PDE1C: variants seen among roughly 807,000 people sequenced by gnomAD.
PDE1C encodes phosphodiesterase 1C, also known as dual specificity calcium/calmodulin-dependent 3',5'-cyclic nucleotide phosphodiesterase 1C.
In PDE1C, 62 loss-of-function variants were observed where a neutral mutation model predicts 93.1. The observed-to-expected ratio is 0.67, with a 90% CI of 0.54 to 0.82. PDE1C has a LOEUF of 0.82. PDE1C is among the 40% of genes least tolerant of loss of function. The probability of loss-of-function intolerance (pLI) is 0.00; values close to 1 mark genes in which losing one functional copy is unlikely to be tolerated. For synonymous variants in PDE1C, 325 were observed against 310.1 expected (o/e 1.05, Z -0.50); for missense variants, 742 against 884.6 (o/e 0.84, Z 2.04).
intron 2 of PDE1C, among the ~76,000 whole-genome samples, chr7:31,917,157 T>C (rs1352018197): frequency 6.6e-6 from 1 of 152,068 alleles, no homozygotes; most frequent in Non-Finnish European, 1.5e-5. Flanking sequence ...ATGGTCCCAA[T>C]CCTGACTCCA....
intron 7 of PDE1C, among the ~76,000 whole-genome samples, chr7:31,852,427 A>G (rs1247205885): frequency 6.6e-6 from 1 of 152,230 alleles, no homozygotes; most frequent in Non-Finnish European, 1.5e-5. Flanking sequence ...TGAAAAAAAG[A>G]TGGGCAAGAT....
intron 1 of PDE1C, among the ~76,000 whole-genome samples, chr7:32,389,157 C>CGTGTGTGTGTGTGTCT (rs1554316175): frequency 1.5e-5 from 2 of 135,698 alleles, no homozygotes; most frequent in African/African-American, 5.6e-5. Flanking sequence ...TGATAGCTGA[C>CGTGTGTGTGTGTGTCT]GTGTGTGTGT....
At chr7:32,392,356 A>C (rs980105863) in intron 1 of PDE1C, among the ~76,000 whole-genome samples, 4 of 152,222 alleles carry the variant, frequency 2.6e-5, no homozygotes, top group Non-Finnish European at 5.9e-5. Context: ...AATTTTACGT[A>C]ACATTTATAG....
At chr7:32,290,700 A>G (rs943005493) in intron 1 of PDE1C, among the ~76,000 whole-genome samples, 4 of 152,094 alleles carry the variant, frequency 2.6e-5, no homozygotes, top group South Asian at 2.1e-4. Context: ...GCAGCTAGGG[A>G]CTCGCTTTGC....
chr7:32,202,708 T>C (rs1370515434), intron 2 of PDE1C, among the ~76,000 whole-genome samples: 1 of 152,132 alleles, frequency 6.6e-6, no homozygotes. Context: ...CTCTGAAACA[T>C]GGATGTGTCA....
At chr7:32,139,189 A>G (rs2128778795) in intron 3 of PDE1C, among the ~76,000 whole-genome samples, 1 of 152,020 alleles carries the variant, frequency 6.6e-6, no homozygotes, top group East Asian at 1.9e-4. Flanking sequence ...AGGCTGGGGC[A>G]CAATGGCATG....
chr7:32,340,407 G>C (rs1023615895), intron 1 of PDE1C, among the ~76,000 whole-genome samples: 4 of 152,186 alleles, frequency 2.6e-5, no homozygotes, highest in Non-Finnish European at 4.4e-5. Context: ...GCAAAGGACA[G>C]ACTCTCACTG....
At chr7:31,793,989 CAGATAGATAGATAGAT>C (rs60751029) in intron 16 of PDE1C, among the ~76,000 whole-genome samples, 5,082 of 106,026 alleles carry the variant, frequency 0.048, 196 homozygotes, top group South Asian at 0.085. Context: ...ATAGATAAAC[CAGATAGATAGATAGAT>C]AGATAGATAG....
At chr7:31,695,133 G>A in the PDE1C span, among the ~76,000 whole-genome samples, 3 of 135,126 alleles carry the variant, frequency 2.2e-5, no homozygotes, top group Non-Finnish European at 4.6e-5. Flanking sequence ...GGCGCGTTTA[G>A]CAGAGAGAAC....
chr7:31,664,907 A>G, the PDE1C span, among the ~76,000 whole-genome samples: 1 of 152,204 alleles, frequency 6.6e-6, no homozygotes, highest in Admixed American at 6.5e-5. Context: ...CAACAGCCAG[A>G]GTGGCCTTTT....
At chr7:32,323,898 C>T (rs1356719637) in intron 1 of PDE1C, among the ~76,000 whole-genome samples, 1 of 152,164 alleles carries the variant, frequency 6.6e-6, no homozygotes, top group Non-Finnish European at 1.5e-5. Flanking sequence ...CTAATACAAC[C>T]TGTCCCATCG....
the PDE1C span, among the ~76,000 whole-genome samples, chr7:31,691,589 C>G: frequency 6.6e-6 from 1 of 151,886 alleles, no homozygotes. Flanking sequence ...ACAGCTATAA[C>G]TAATAGCTCT....
intron 3 of PDE1C, among the ~76,000 whole-genome samples, chr7:32,143,657 C>A (rs1800661524): frequency 6.6e-6 from 1 of 152,158 alleles, no homozygotes; most frequent in Non-Finnish European, 1.5e-5. Flanking sequence ...CCTCTGCCCA[C>A]AGCCAAAGCT....
chr7:32,199,921 C>T lies in PDE1C; in HGVS notation c.136+9568G>A, dbSNP rs560587891. 4.6e-5 allele frequency among the ~76,000 whole-genome samples: 7 copies of T among 152,248 alleles called. No homozygotes were observed. The South Asian group carries it at 1.0e-3, about 23-fold the overall frequency. On this transcript the variant is annotated intron_variant, in intron 2 of 18. Transcript: ENST00000396193. ...TTTAATGTACACAAACTTTGTTTCACGGATGAAATTATTTAAAATACTGTG... is the reference window on the plus strand; with the variant it reads ...TTTAATGTACACAAACTTTGTTTCATGGATGAAATTATTTAAAATACTGTG...
intron 1 of PDE1C, among the ~76,000 whole-genome samples, chr7:32,380,187 A>G (rs1374060444): frequency 6.6e-6 from 1 of 151,848 alleles, no homozygotes; most frequent in Non-Finnish European, 1.5e-5. Context: ...CTCAAAGTAA[A>G]TGTCTACAAT....
chr7:32,094,790 C>T (rs1797663424), intron 3 of PDE1C, among the ~76,000 whole-genome samples: 1 of 152,174 alleles, frequency 6.6e-6, no homozygotes, highest in Non-Finnish European at 1.5e-5. Flanking sequence ...TAGCATGGCA[C>T]AAAGGCTGTC....
chr7:31,846,600 A>T (rs1792636486), intron 9 of PDE1C, among the ~76,000 whole-genome samples: 1 of 152,176 alleles, frequency 6.6e-6, no homozygotes, highest in South Asian at 2.1e-4. Flanking sequence ...CACCAAAAGC[A>T]ATGGCAACAA....
intron 3 of PDE1C, among the ~76,000 whole-genome samples, chr7:32,145,905 T>C (rs1584851644): frequency 6.6e-6 from 1 of 152,154 alleles, no homozygotes; most frequent in Admixed American, 6.6e-5. Context: ...TTGTGCTCAT[T>C]ATCTGCAGTA....
the PDE1C span, chr7:31,643,278 A>G: frequency 5.6e-6 from 9 of 1,613,740 alleles, no homozygotes; most frequent in East Asian, 1.6e-4. Context: ...TACTCGTACC[A>G]GAAAGCTCAT....
Sources: allele counts gnomAD v4.1 joint callset (sites outside exome capture counted in the v4.1 genomes callset), GRCh38; gene constraint gnomAD v4.1.1; transcripts MANE v1.5; gene names NCBI Gene and HGNC (gene_info 2026-07-23, HGNC 2026-07-21).